PARD3: variants seen among roughly 807,000 people sequenced by gnomAD.
PARD3 encodes the protein par-3 family cell polarity regulator.
In PARD3, 75 loss-of-function variants were observed where a neutral mutation model predicts 155.4. The observed-to-expected ratio is 0.48, with a 90% confidence interval of 0.40 to 0.58. The LOEUF is 0.58. PARD3 is among the 20% of genes least tolerant of loss of function. The pLI is 0.00. For synonymous variants in PARD3, 576 were observed against 610.5 expected, an observed-to-expected ratio of 0.94 and a Z score of 0.83; for missense variants, 1,642 against 1,721.7, an observed-to-expected ratio of 0.95 and a Z score of 0.82.
intron 1 of PARD3, among the ~76,000 whole-genome samples, chr10:34,785,564 G>A (rs1034871345): frequency 3.3e-5 from 5 of 151,980 alleles, no homozygotes; most frequent in East Asian, 1.9e-4. Context: ...TGGGTAACAC[G>A]GCGAGACCAT....
intron 2 of PARD3, among the ~76,000 whole-genome samples, chr10:34,588,571 T>C (rs2088325556): frequency 6.6e-6 from 1 of 152,200 alleles, no homozygotes; most frequent in African/African-American, 2.4e-5. Context: ...GACCTCTGCC[T>C]CCTTGCCTTT....
intron 22 of PARD3, among the ~76,000 whole-genome samples, chr10:34,155,470 T>C (rs909849100): frequency 1.3e-5 from 2 of 152,146 alleles, no homozygotes; most frequent in African/African-American, 2.4e-5. Context: ...TTGGAAAATG[T>C]AGAACCCTAA....
chr10:34,184,529 T>C (rs894601929), intron 22 of PARD3, among the ~76,000 whole-genome samples: 5 of 152,090 alleles, frequency 3.3e-5, no homozygotes, highest in African/African-American at 1.2e-4. Flanking sequence ...AAATGCAAAT[T>C]ATTAGCATTA....
intron 20 of PARD3, among the ~76,000 whole-genome samples, chr10:34,295,858 G>A (rs1296678742): frequency 1.3e-5 from 2 of 152,134 alleles, no homozygotes; most frequent in Non-Finnish European, 2.9e-5. Context: ...CCTGTGAAGA[G>A]GAACTTAGTG....
rs554706262 is a variant in PARD3, at chr10:34,125,225, C to A, written c.3541-5485G>T. Among the ~76,000 whole-genome samples the A allele has an allele frequency of 3.3e-3, 496 of 152,198 alleles. 1 individual carries two copies. Among genetic ancestry groups the A allele is most frequent in the African/African-American group, 0.011 (467 of 41,518 alleles). On this transcript the variant is annotated intron_variant, in intron 23 of 24. Transcript: ENST00000374788. ...GGGATTACAGGCACCTGCCACCACG[C>A]CCGGCTAATTTTTGTATTTTTAGTA... is the stretch of plus-strand genomic sequence containing the variant.
chr10:34,535,761 C>T (rs537225407), intron 2 of PARD3, among the ~76,000 whole-genome samples: 1 of 152,058 alleles, frequency 6.6e-6, no homozygotes, highest in Admixed American at 6.6e-5. Context: ...CAGGCGTGAG[C>T]CACCCTGCCT....
intron 19 of PARD3, among the ~76,000 whole-genome samples, chr10:34,324,389 T>C (rs1360805140): frequency 2.6e-5 from 4 of 152,012 alleles, no homozygotes; most frequent in East Asian, 1.9e-4. Flanking sequence ...AAAAACTAGA[T>C]TGTCGGGGGA....
At chr10:34,316,318 G>A (rs1402410794) in intron 20 of PARD3, among the ~76,000 whole-genome samples, 1 of 152,064 alleles carries the variant, frequency 6.6e-6, no homozygotes, top group African/African-American at 2.4e-5. Flanking sequence ...GAACTTTTAT[G>A]GGAGAGTTTC....
At chr10:34,763,757 C>A (rs1049252637) in intron 1 of PARD3, among the ~76,000 whole-genome samples, 1 of 152,162 alleles carries the variant, frequency 6.6e-6, no homozygotes, top group African/African-American at 2.4e-5. Flanking sequence ...CTGGAACCCA[C>A]ATCTCCTGGC....
chr10:34,287,070 T>A (rs745478364), intron 20 of PARD3, among the ~76,000 whole-genome samples: 1 of 151,940 alleles, frequency 6.6e-6, no homozygotes, highest in African/African-American at 2.4e-5. Flanking sequence ...GGTGAAGATA[T>A]CATAACGGCA....
chr10:34,694,148 G>C (rs1354533518), intron 2 of PARD3, among the ~76,000 whole-genome samples: 1 of 141,764 alleles, frequency 7.1e-6, no homozygotes, highest in Non-Finnish European at 1.6e-5. Context: ...AGAAAGAGAG[G>C]GAGAAGAAAA....
At position 34,341,615 on chromosome 10, in the gene PARD3, C is replaced by A. The variant is rs533899212; in HGVS notation, c.2408+12G>T. The A allele has an allele frequency of 1.2e-6, 2 of 1,604,734 alleles. No homozygotes were observed. Among genetic ancestry groups the A allele is most frequent in the Non-Finnish European group, 8.5e-7 (1 of 1,175,414 alleles). On this transcript the variant is annotated intron_variant, in intron 16 of 24. Transcript: ENST00000374788. ...TTAATTCATGTTTTCCAACCCTGGA[C>A]GATGAGCTTACCAGTCGGCTGAATC...
intron 1 of PARD3, among the ~76,000 whole-genome samples, chr10:34,705,891 A>C (rs576527922): frequency 6.6e-6 from 1 of 152,228 alleles, no homozygotes; most frequent in African/African-American, 2.4e-5. Flanking sequence ...CCTCAAGGAA[A>C]TAAGTTTCTG....
At chr10:34,711,573 T>C (rs1350848034) in intron 1 of PARD3, among the ~76,000 whole-genome samples, 1 of 152,178 alleles carries the variant, frequency 6.6e-6, no homozygotes, top group Non-Finnish European at 1.5e-5. Context: ...GCCTATTTCC[T>C]GTATATGCAT....
At chr10:34,353,427 T>C (rs567232527) in intron 14 of PARD3, among the ~76,000 whole-genome samples, 1 of 152,204 alleles carries the variant, frequency 6.6e-6, no homozygotes, top group Non-Finnish European at 1.5e-5. Context: ...CCCAACCCCG[T>C]GCTCTCTGAA....
chr10:34,318,790 G>A (rs1165643798), intron 19 of PARD3, among the ~76,000 whole-genome samples: 1 of 151,922 alleles, frequency 6.6e-6, no homozygotes, highest in Non-Finnish European at 1.5e-5. Flanking sequence ...TTTTGAGGCT[G>A]AGTCTCGCTC....
intron 22 of PARD3, among the ~76,000 whole-genome samples, chr10:34,155,799 G>T (rs1246138180): frequency 6.6e-6 from 1 of 151,974 alleles, no homozygotes; most frequent in African/African-American, 2.4e-5. Flanking sequence ...CTGACCATGG[G>T]GGGTCATGCA....
intron 22 of PARD3, among the ~76,000 whole-genome samples, chr10:34,205,948 T>C (rs1438908543): frequency 2.0e-5 from 3 of 152,134 alleles, no homozygotes; most frequent in Non-Finnish European, 4.4e-5. Context: ...GGACCGATGC[T>C]GATGTTGGGA....
chr10:34,345,929 T>C, intron 15 of PARD3: 2 of 984,756 alleles, frequency 2.0e-6, no homozygotes, highest in Non-Finnish European at 2.4e-6. Flanking sequence ...TATGCATATA[T>C]ACTTGTCAGG....
Sources: allele counts gnomAD v4.1 joint callset (sites outside exome capture counted in the v4.1 genomes callset), GRCh38; gene constraint gnomAD v4.1.1; transcripts MANE v1.5; gene names NCBI Gene and HGNC (gene_info 2026-07-23, HGNC 2026-07-21).